Variants in PCDHGA9 observed in about 807,000 individuals in gnomAD.
PCDHGA9 encodes the protein protocadherin gamma-A9.
A neutral mutation model predicts 62.5 loss-of-function variants in PCDHGA9; 37 were observed. The ratio of observed to expected loss-of-function variants is 0.59; its 90% CI spans 0.46 to 0.78. PCDHGA9 has a LOEUF of 0.78. Ranked by LOEUF, PCDHGA9 falls within the 30% of genes least tolerant of loss-of-function variation. The pLI is 0.00. For synonymous variants in PCDHGA9, 459 were observed against 484.6 expected, an observed-to-expected ratio of 0.95 and a Z score of 0.69; for missense variants, 1,138 against 1,166.2, an observed-to-expected ratio of 0.98 and a Z score of 0.35.
At chr5:141,478,142 G>C in intron 1 of PCDHGA9, 1 of 1,613,988 alleles carries the variant, frequency 6.2e-7, no homozygotes, top group South Asian at 1.1e-5. Flanking sequence ...AGCCCGAGCC[G>C]AGTTCCCCTC....
rs1431906047 is a variant in PCDHGA9, at chr5:141,485,858, C to T, written c.2425-8949C>T. On this transcript the variant is annotated intron_variant, in intron 1 of 3. Transcript: ENST00000573521. This position sits in a 1 kb window ranked among gnomAD's most constrained non-coding sequence, Gnocchi z 5.7. ...GCCGAGATCTGGCACCGCAGAGCTC[C>T]GGGTATCCGTGCTGGACGTAAACGA... The T allele has an allele frequency of 1.9e-6, 3 of 1,614,162 alleles. No individual in the cohort carries two copies. The highest frequency in any genetic ancestry group is 2.5e-6 in the Non-Finnish European group (3 of 1,180,028).
rs758013542 is a variant in PCDHGA9 at position 141,418,314 on chromosome 5, C to A, written c.2424+12938C>A. 9 of 1,613,988 alleles carry A rather than the reference C, an allele frequency of 5.6e-6. No homozygotes were observed. In the East Asian group the frequency reaches 1.3e-4, roughly 24 times the overall value. On this transcript the variant is annotated intron_variant, in intron 1 of 3. Coordinates refer to ENST00000573521, the MANE Select transcript of PCDHGA9 (RefSeq NM_018921.3). ...GAATCCGTCAGCCTGGGGATGGGAACAATTCTTGAGTCTGCAGAAGATCCT... is the reference window on the plus strand; with the variant it reads ...GAATCCGTCAGCCTGGGGATGGGAAAAATTCTTGAGTCTGCAGAAGATCCT...
At chr5:141,456,731 G>A (rs1282690673) in intron 1 of PCDHGA9, among the ~76,000 whole-genome samples, 1 of 152,214 alleles carries the variant, frequency 6.6e-6, no homozygotes, top group Non-Finnish European at 1.5e-5. Flanking sequence ...TTGGGAGGCT[G>A]AGGCGGGAGC....
chr5:141,433,056 G>C, intron 1 of PCDHGA9: 10 of 1,614,204 alleles, frequency 6.2e-6, no homozygotes, highest in Non-Finnish European at 8.5e-6. Context: ...TCGCGGAAGA[G>C]TCACCTGATC....
chr5:141,458,409 G>A (rs188300064), intron 1 of PCDHGA9, among the ~76,000 whole-genome samples: 2 of 152,126 alleles, frequency 1.3e-5, no homozygotes, highest in East Asian at 1.9e-4. Context: ...GAGACGGAGC[G>A]GGGGTTCCAA....
At position 141,477,866 on chromosome 5, in the gene PCDHGA9, A is replaced by G; in HGVS notation, c.2425-16941A>G. ...CTCGGTGGAGATGCTGCCTCGAGGT[A>G]CCTCAGCTGGCCACCTAGTGTCACG... On this transcript the variant is annotated intron_variant, in intron 1 of 3. Coordinates refer to ENST00000573521, the MANE Select transcript of PCDHGA9 (RefSeq NM_018921.3). This position sits in a 1 kb window ranked among gnomAD's most constrained non-coding sequence, Gnocchi z 4.9. 1 of 1,614,072 alleles carries G rather than the reference A, an allele frequency of 6.2e-7. No homozygotes were observed. Among genetic ancestry groups the G allele is most frequent in the Non-Finnish European group, 8.5e-7 (1 of 1,179,988 alleles).
intron 1 of PCDHGA9, chr5:141,418,432 T>A: frequency 6.2e-7 from 1 of 1,613,956 alleles, no homozygotes; most frequent in East Asian, 2.2e-5. Context: ...GTGGCAAATA[T>A]CCAGAATTAG....
chr5:141,423,335 G>T (rs781241820), intron 1 of PCDHGA9: 11 of 1,614,046 alleles, frequency 6.8e-6, no homozygotes, highest in Non-Finnish European at 9.3e-6. Context: ...GCAGTCTCCT[G>T]CATCTTCCTG....
intron 1 of PCDHGA9, chr5:141,478,305 C>A (rs775282798): frequency 1.2e-6 from 2 of 1,613,974 alleles, no homozygotes; most frequent in Non-Finnish European, 8.5e-7. Flanking sequence ...TACCGAGCCC[C>A]GGTGAGCTCA....
intron 1 of PCDHGA9, chr5:141,417,652 GCCTGGGATTC>G: frequency 2.4e-6 from 2 of 840,506 alleles, no homozygotes; most frequent in Non-Finnish European, 3.5e-6. Context: ...TCAGCCTCTA[GCCTGGGATTC>G]CCTGCGCAGC....
At chr5:141,414,964 G>C (rs1245472476) in intron 1 of PCDHGA9, 11 of 1,613,874 alleles carry the variant, frequency 6.8e-6, no homozygotes, top group Non-Finnish European at 9.3e-6. Context: ...CAAGGTGGTG[G>C]CGGTGGACAG....
At chr5:141,450,888 G>C (rs1038570371) in intron 1 of PCDHGA9, among the ~76,000 whole-genome samples, 27 of 145,380 alleles carry the variant, frequency 1.9e-4, no homozygotes, top group Non-Finnish European at 3.9e-4. Flanking sequence ...GCAGTGGTGC[G>C]ATATCGGCTC....
At chr5:141,418,844 A>G (rs781310201) in intron 1 of PCDHGA9, 2 of 1,613,936 alleles carry the variant, frequency 1.2e-6, no homozygotes, top group South Asian at 2.2e-5. Context: ...ATCTCTCTCA[A>G]CACGGTGTAA....
chr5:141,487,031 G>A lies in PCDHGA9; in HGVS notation c.2425-7776G>A, dbSNP rs749130369. 1.2e-6 allele frequency: 2 copies of A among 1,614,182 alleles called. No homozygotes were observed. Among genetic ancestry groups the A allele is most frequent in the Non-Finnish European group, 1.7e-6 (2 of 1,180,028 alleles). On this transcript the variant is annotated intron_variant, in intron 1 of 3. Coordinates refer to ENST00000573521, the MANE Select transcript of PCDHGA9 (RefSeq NM_018921.3). The surrounding 1 kb of genome is among the most constrained non-coding windows in gnomAD (Gnocchi z 5.0). ...GGAGGCCCCAGATCCCAGCCTGTTT[G>A]CAGTCTCTCGATATGCTGGGGAGGT...
chr5:141,482,763 T>TGC (rs2099571981), intron 1 of PCDHGA9, among the ~76,000 whole-genome samples: 1 of 127,550 alleles, frequency 7.8e-6, no homozygotes, highest in African/African-American at 3.6e-5. Flanking sequence ...GGTATTTCAT[T>TGC]ATCACTGAAC....
At position 141,485,301 on chromosome 5, in the gene PCDHGA9, C is replaced by T; in HGVS notation, c.2425-9506C>T. 1 of 1,614,124 alleles carries T rather than the reference C, an allele frequency of 6.2e-7. No homozygotes were observed. The highest frequency in any genetic ancestry group is 1.1e-5 in the South Asian group (1 of 91,082). The stretch of plus-strand genomic sequence containing the variant: ...GTCCCAGAGGAGTCACAGGAAGGGA[C>T]TTTTGTAGGGAATGTCGCTCAAGAT... On this transcript the variant is annotated intron_variant, in intron 1 of 3. Coordinates refer to ENST00000573521, the MANE Select transcript of PCDHGA9 (RefSeq NM_018921.3). This position sits in a 1 kb window ranked among gnomAD's most constrained non-coding sequence, Gnocchi z 5.7.
intron 1 of PCDHGA9, among the ~76,000 whole-genome samples, chr5:141,488,534 A>C (rs1169478867): frequency 1.3e-5 from 2 of 152,292 alleles, no homozygotes; most frequent in East Asian, 3.9e-4. Flanking sequence ...AGAAAAGCTA[A>C]GTCCCATGTC....
In PCDHGA9 at chr5:141,485,216, G is replaced by C. The variant is rs757059807; in HGVS notation, c.2425-9591G>C. On this transcript the variant is annotated intron_variant, in intron 1 of 3. Transcript: ENST00000573521. The surrounding 1 kb of genome is among the most constrained non-coding windows in gnomAD (Gnocchi z 5.7). ...AAGCTGGACAGAAATCTGGCGGTGG[G>C]CTACCCTTTTGTTCCTCTTTTACCA... 2.5e-6 allele frequency: 4 copies of C among 1,614,144 alleles called. No homozygotes were observed. In the South Asian group the frequency reaches 4.4e-5, roughly 18 times the overall value.
In PCDHGA9 at chr5:141,486,476, C is replaced by G. The variant is rs765887978; in HGVS notation, c.2425-8331C>G. The G allele has an allele frequency of 5.0e-6, 8 of 1,613,934 alleles. No homozygotes were observed. In the South Asian group the frequency reaches 7.7e-5, roughly 16 times the overall value. ...TGCTTCTGATGCTGGGAACCCTCCTCTCAGTACCCACAGAACTATTTTCCT... is the reference window on the plus strand; with the variant it reads ...TGCTTCTGATGCTGGGAACCCTCCTGTCAGTACCCACAGAACTATTTTCCT... On this transcript the variant is annotated intron_variant, in intron 1 of 3. Coordinates refer to ENST00000573521, the MANE Select transcript of PCDHGA9 (RefSeq NM_018921.3). The surrounding 1 kb of genome is among the most constrained non-coding windows in gnomAD (Gnocchi z 5.0).
Sources: allele counts gnomAD v4.1 joint callset (sites outside exome capture counted in the v4.1 genomes callset), GRCh38; gene constraint gnomAD v4.1.1; non-coding constraint Gnocchi (gnomAD v3.1); transcripts MANE v1.5; gene names NCBI Gene and HGNC (gene_info 2026-07-23, HGNC 2026-07-21).